Variants in SULT2B1 observed in about 807,000 individuals in gnomAD.
The protein encoded by SULT2B1 is sulfotransferase 2B1.
A neutral mutation model predicts 33.2 loss-of-function variants in SULT2B1; 16 were observed. The observed-to-expected ratio is 0.48, with a 90% CI of 0.33 to 0.73. SULT2B1 has a LOEUF of 0.73. SULT2B1 is among the 30% of genes least tolerant of loss of function. SULT2B1 has a pLI of 0.02. For missense variants in SULT2B1, 500 were observed against 506.0 expected, an observed-to-expected ratio of 0.99 and a Z score of 0.11; for synonymous variants, 186 against 200.5, an observed-to-expected ratio of 0.93 and a Z score of 0.61.
At chr19:48,575,700 C>G in intron 1 of SULT2B1, 1 of 505,710 alleles carries the variant, frequency 2.0e-6, no homozygotes. Context: ...AGGCTGGTCT[C>G]AAACTCCTGA....
intron 1 of SULT2B1, among the ~76,000 whole-genome samples, chr19:48,563,294 C>A (rs1040057960): frequency 1.3e-5 from 2 of 152,124 alleles, no homozygotes; most frequent in African/African-American, 4.8e-5. Context: ...CCTAGCAATT[C>A]TGTTCCTAGT....
intron 1 of SULT2B1, among the ~76,000 whole-genome samples, chr19:48,564,790 T>G (rs1973224840): frequency 6.6e-6 from 1 of 151,630 alleles, no homozygotes; most frequent in Non-Finnish European, 1.5e-5. Flanking sequence ...CCTTCTGGGT[T>G]TGTTGTTGTT....
chr19:48,552,936 C>T lies in SULT2B1; in HGVS notation c.71+613C>T, dbSNP rs1973048437. On this transcript the variant is annotated intron_variant, in intron 1 of 6. Transcript: ENST00000201586. The surrounding 1 kb of genome is among the most constrained non-coding windows in gnomAD (Gnocchi z 4.8). ...GAGTCAGACACTTTGACAGTACCTG[C>T]TTTCCAGATGGGGAAACTGAGGCTG... Among the ~76,000 whole-genome samples the T allele has an allele frequency of 6.6e-6, 1 of 152,158 alleles. No individual in the cohort carries two copies. The highest frequency in any genetic ancestry group is 6.5e-5 in the Admixed American group (1 of 15,276).
intron 2 of SULT2B1, among the ~76,000 whole-genome samples, chr19:48,582,366 A>T (rs1224897133): frequency 1.3e-5 from 2 of 149,784 alleles, no homozygotes. Context: ...GACTGATATT[A>T]ATGTTCAATC....
At chr19:48,593,116 G>A (rs1973666318) in intron 5 of SULT2B1, among the ~76,000 whole-genome samples, 2 of 152,200 alleles carry the variant, frequency 1.3e-5, no homozygotes, top group Non-Finnish European at 2.9e-5. Context: ...GGACACAGTG[G>A]TAGTGGCTCA....
At position 48,599,075 on chromosome 19, in the gene SULT2B1, G is replaced by C. The variant is rs990747735; in HGVS notation, c.827-60G>C. The C allele has an allele frequency of 6.6e-7, 1 of 1,523,894 alleles. No homozygotes were observed. Among genetic ancestry groups the C allele is most frequent in the Non-Finnish European group, 8.8e-7 (1 of 1,141,114 alleles). 94.4% of individuals were successfully genotyped at this position (1,523,894 alleles called of 1,614,324 possible). On this transcript the variant is annotated intron_variant, in intron 6 of 6. Transcript: ENST00000201586. The surrounding 1 kb of genome is among the most constrained non-coding windows in gnomAD (Gnocchi z 4.1). ...GGGGAAGGAGGTTGCTGGAATGTTG[G>C]AGGTAGGGGCGCAGTGCTCCCCAGA...
At chr19:48,576,640 C>CTTT (rs71335805) in intron 2 of SULT2B1, among the ~76,000 whole-genome samples, 5 of 116,510 alleles carry the variant, frequency 4.3e-5, no homozygotes, top group Admixed American at 1.8e-4. Flanking sequence ...AAATTGTATA[C>CTTT]TTTTTTTTTT....
intron 1 of SULT2B1, among the ~76,000 whole-genome samples, chr19:48,564,148 A>G (rs1973213681): frequency 6.6e-6 from 1 of 151,834 alleles, no homozygotes; most frequent in Non-Finnish European, 1.5e-5. Flanking sequence ...TGGGAGGCTG[A>G]GGCAGGGGAA....
intron 5 of SULT2B1, among the ~76,000 whole-genome samples, chr19:48,593,987 G>C (rs935310832): frequency 6.6e-6 from 1 of 151,872 alleles, no homozygotes; most frequent in Non-Finnish European, 1.5e-5. Context: ...GGCTGGGCAC[G>C]GTGGCTCACG....
intron 2 of SULT2B1, among the ~76,000 whole-genome samples, chr19:48,577,194 G>A (rs769034973): frequency 2.0e-5 from 3 of 149,104 alleles, no homozygotes; most frequent in Non-Finnish European, 4.4e-5. Context: ...CACCATGCGC[G>A]GCTACTTCTT....
At chr19:48,553,583 GATTACA>G (rs1973055096) in intron 1 of SULT2B1, among the ~76,000 whole-genome samples, 2 of 152,114 alleles carry the variant, frequency 1.3e-5, no homozygotes, top group Admixed American at 1.3e-4. Context: ...AAAGTGCTGG[GATTACA>G]GGCGTGGGCC....
intron 3 of SULT2B1, chr19:48,591,086 T>C (rs1973637407): frequency 2.0e-5 from 3 of 152,610 alleles, no homozygotes; most frequent in African/African-American, 7.2e-5. Context: ...TCCTGTCTCG[T>C]CCTCCCAAAG....
rs774212320 is a variant in SULT2B1, at chr19:48,599,135, G to T, written c.827G>T (p.Gly276Val). The change falls in exon 7 of 7, where the codon GGG becomes GTG. Residue 276 changes from glycine (G) to valine (V), a missense_variant and splice_region_variant. Coordinates refer to ENST00000201586, the MANE Select transcript of SULT2B1 (RefSeq NM_177973.2). This position sits in a 1 kb window ranked among gnomAD's most constrained non-coding sequence, Gnocchi z 4.1. ...DHRRGAFLRK[G>V]VCGDWKNHFT... ...CCCCCTGGTGCCCCCTCTTCTCCAG[G>T]GGTCTGCGGCGACTGGAAGAACCAC... 1 of 1,574,688 alleles carries T rather than the reference G, an allele frequency of 6.4e-7. No individual in the cohort carries two copies.
chr19:48,576,359 C>CTTTTCTTTTTTTTTTT lies in SULT2B1; in HGVS notation c.214+280_214+281insCTTTTTTTTTTTTTTT. On this transcript the variant is annotated intron_variant, in intron 2 of 6. Transcript: ENST00000201586. ...CCTTTCCCCTTTACCCTCTACTTCT[C>CTTTTCTTTTTTTTTTT]TTTTTTTTTTTTTTTTTTGTAGAGA... Among the ~76,000 whole-genome samples the CTTTTCTTTTTTTTTTT allele has an allele frequency of 1.0e-3, 98 of 96,700 alleles. 5 individuals are homozygous for CTTTTCTTTTTTTTTTT. The highest frequency in any genetic ancestry group is 3.5e-3 in the East Asian group (12 of 3,434). The allele number at this position is 96,700 out of a possible 152,430, so 63.4% of individuals were successfully genotyped here.
chr19:48,581,596 T>G (rs1490784007), intron 2 of SULT2B1, among the ~76,000 whole-genome samples: 1 of 149,958 alleles, frequency 6.7e-6, no homozygotes, highest in Non-Finnish European at 1.5e-5. Flanking sequence ...TAGCTGGGAC[T>G]ACAGGCGCCC....
In SULT2B1 at chr19:48,599,059, G is replaced by A; in HGVS notation, c.827-76G>A. On this transcript the variant is annotated intron_variant, in intron 6 of 6. Coordinates refer to ENST00000201586, the MANE Select transcript of SULT2B1 (RefSeq NM_177973.2). This position sits in a 1 kb window ranked among gnomAD's most constrained non-coding sequence, Gnocchi z 4.1. ...CGCCAAAGGCCGGGAAGGGGAAGGA[G>A]GTTGCTGGAATGTTGGAGGTAGGGG... 2 of 1,515,656 alleles carry A rather than the reference G, an allele frequency of 1.3e-6. No individual in the cohort carries two copies. The highest frequency in any genetic ancestry group is 2.5e-5 in the South Asian group (2 of 81,142). 93.9% of individuals were successfully genotyped at this position (1,515,656 alleles called of 1,614,324 possible).
chr19:48,589,362 C>T (rs904701395), intron 3 of SULT2B1, among the ~76,000 whole-genome samples: 1 of 152,088 alleles, frequency 6.6e-6, no homozygotes, highest in Non-Finnish European at 1.5e-5. Context: ...TCTGCGGCGG[C>T]CCATCCCACG....
At chr19:48,580,285 G>C (rs934245637) in intron 2 of SULT2B1, among the ~76,000 whole-genome samples, 1 of 151,790 alleles carries the variant, frequency 6.6e-6, no homozygotes, top group African/African-American at 2.4e-5. Context: ...TATGGAGACA[G>C]GTTCTCACTG....
chr19:48,569,336 C>T (rs577412683), intron 1 of SULT2B1, among the ~76,000 whole-genome samples: 1 of 126,232 alleles, frequency 7.9e-6, no homozygotes, highest in Admixed American at 9.7e-5. Context: ...AGAGAGACTC[C>T]GTCTCAAAAA....
Sources: allele counts gnomAD v4.1 joint callset (sites outside exome capture counted in the v4.1 genomes callset), GRCh38; gene constraint gnomAD v4.1.1; non-coding constraint Gnocchi (gnomAD v3.1); transcripts MANE v1.5; gene names NCBI Gene and HGNC (gene_info 2026-07-23, HGNC 2026-07-21).